PHF14: variants seen among roughly 807,000 people sequenced by gnomAD.
PHF14 encodes PHD finger protein 14.
In PHF14, 55 loss-of-function variants were observed where a neutral mutation model predicts 117.9. The observed-to-expected ratio is 0.47, with a 90% CI of 0.38 to 0.58. PHF14 has a LOEUF of 0.58. Ranked by LOEUF, PHF14 falls within the 20% of genes least tolerant of loss-of-function variation. The probability of loss-of-function intolerance (pLI) is 0.00; values close to 1 mark genes in which losing one functional copy is unlikely to be tolerated. For synonymous variants in PHF14, 409 were observed against 368.6 expected (o/e 1.11, Z -1.26); for missense variants, 978 against 1,122.2 (o/e 0.87, Z 1.84).
intron 17 of PHF14, among the ~76,000 whole-genome samples, chr7:11,156,513 G>T (rs1317341606): frequency 1.3e-5 from 2 of 152,082 alleles, no homozygotes; most frequent in African/African-American, 4.8e-5. Flanking sequence ...TTCACTTTCT[G>T]GCCGGGCGTG....
intron 17 of PHF14, among the ~76,000 whole-genome samples, chr7:11,114,278 G>A (rs1051140841): frequency 6.6e-6 from 1 of 151,996 alleles, no homozygotes; most frequent in East Asian, 1.9e-4. Context: ...AAAATGAATT[G>A]CACTTTAACA....
chr7:11,007,128 G>A (rs963178313), intron 4 of PHF14, among the ~76,000 whole-genome samples: 1 of 152,016 alleles, frequency 6.6e-6, no homozygotes, highest in African/African-American at 2.4e-5. Context: ...AGGAGGCGGA[G>A]ATTGCAGTGA....
intron 17 of PHF14, among the ~76,000 whole-genome samples, chr7:11,157,389 CAA>C (rs10693452): frequency 6.8e-6 from 1 of 146,732 alleles, no homozygotes. Context: ...AATGGGTTAC[CAA>C]AAAAAAAAAA....
chr7:11,020,076 T>C (rs1038076640), intron 5 of PHF14, among the ~76,000 whole-genome samples: 28 of 152,124 alleles, frequency 1.8e-4, no homozygotes, highest in African/African-American at 6.8e-4. Context: ...GAAATCTTTA[T>C]GTCTCAGTTC....
Position 11,042,758 on chromosome 7 carries a change from T to G in PHF14, c.2256T>G (p.Leu752=). 6.3e-7 allele frequency: 1 copy of G among 1,590,232 alleles called. No homozygotes were observed. Among genetic ancestry groups the G allele is most frequent in the South Asian group, 1.1e-5 (1 of 88,196 alleles). Residue 752 remains leucine (L), a synonymous_variant, in exon 13 of 18, where the codon CTT becomes CTG. Transcript: ENST00000634607. ...ATACCTGTAAACTACATTACCATCT[T>G]GGATGTCTGGATCCTCCTCTTACAA... ...LCDTCKLHYH[L]GCLDPPLTRM...
intron 16 of PHF14, chr7:11,102,669 A>G (rs1583467548): frequency 1.3e-6 from 2 of 1,482,998 alleles, no homozygotes; most frequent in East Asian, 2.5e-5. Context: ...TTTGCTTGTC[A>G]GGTTTGGATA....
At chr7:11,020,922 A>C (rs1393664536) in intron 5 of PHF14, among the ~76,000 whole-genome samples, 1 of 152,142 alleles carries the variant, frequency 6.6e-6, no homozygotes, top group African/African-American at 2.4e-5. Flanking sequence ...ATAACTTCCA[A>C]ACTACCTTTA....
At chr7:11,033,631 G>T (rs1256570013) in intron 7 of PHF14, among the ~76,000 whole-genome samples, 2 of 152,166 alleles carry the variant, frequency 1.3e-5, no homozygotes, top group African/African-American at 4.8e-5. Context: ...AAGACAATTA[G>T]TAGTTTCTGC....
At chr7:11,013,354 G>A (rs1055818758) in intron 4 of PHF14, among the ~76,000 whole-genome samples, 1 of 151,896 alleles carries the variant, frequency 6.6e-6, no homozygotes, top group African/African-American at 2.4e-5. Context: ...GAGAGATGAG[G>A]TTTCACCGTG....
rs1301372595 is a variant in PHF14 at position 10,975,450 on chromosome 7, G to A, written c.112+505G>A. The stretch of plus-strand genomic sequence containing the variant: ...GTAGGTGCTGGACCTTGTGGATTGG[G>A]CCTTTCAGATGTCTCTGAAGTATAA... On this transcript the variant is annotated intron_variant, in intron 2 of 17. Coordinates refer to ENST00000634607, the MANE Select transcript of PHF14 (RefSeq NM_001007157.2). Among the ~76,000 whole-genome samples the A allele has an allele frequency of 2.0e-5, 3 of 152,110 alleles. No individual in the cohort carries two copies. In the East Asian group the frequency reaches 5.8e-4, roughly 29 times the overall value.
At chr7:11,004,660 G>T (rs1583353158) in intron 4 of PHF14, among the ~76,000 whole-genome samples, 1 of 151,136 alleles carries the variant, frequency 6.6e-6, no homozygotes, top group African/African-American at 2.4e-5. Context: ...TTGTTTTCTT[G>T]TGATTAGATT....
intron 5 of PHF14, among the ~76,000 whole-genome samples, chr7:11,020,320 G>A (rs1783691225): frequency 6.6e-6 from 1 of 152,078 alleles, no homozygotes. Flanking sequence ...GAGCTCCTGG[G>A]CTCAAGCAGT....
intron 17 of PHF14, among the ~76,000 whole-genome samples, chr7:11,165,324 A>G (rs1423541514): frequency 6.6e-6 from 1 of 152,202 alleles, no homozygotes; most frequent in African/African-American, 2.4e-5. Context: ...GAAGGATACC[A>G]CAAACCAGAG....
chr7:10,988,844 C>T (rs1782341801), intron 3 of PHF14, among the ~76,000 whole-genome samples: 1 of 152,000 alleles, frequency 6.6e-6, no homozygotes, highest in South Asian at 2.1e-4. Context: ...ATTTTTATCG[C>T]CATTTTGCAG....
chr7:11,115,535 G>C (rs1787572960), intron 17 of PHF14, among the ~76,000 whole-genome samples: 1 of 151,900 alleles, frequency 6.6e-6, no homozygotes, highest in African/African-American at 2.4e-5. Context: ...ATAGCTTTCT[G>C]AAAATGTAGT....
Position 11,004,079 on chromosome 7 carries a change from C to G in PHF14, c.1046-9668C>G, listed in dbSNP as rs184447084. Among the ~76,000 whole-genome samples the G allele has an allele frequency of 7.9e-5, 12 of 151,818 alleles. No homozygotes were observed. The East Asian group carries it at 2.3e-3, about 30-fold the overall frequency. Reference sequence around the variant, plus strand: ...CCTGGGCAATGTGGTGAAACCCTGTCTCTACAAAATACAGAAAAATCAGCC... The same window carrying G: ...CCTGGGCAATGTGGTGAAACCCTGTGTCTACAAAATACAGAAAAATCAGCC... On this transcript the variant is annotated intron_variant, in intron 4 of 17. Coordinates refer to ENST00000634607, the MANE Select transcript of PHF14 (RefSeq NM_001007157.2).
chr7:11,118,102 G>C (rs1787650849), intron 17 of PHF14, among the ~76,000 whole-genome samples: 1 of 151,724 alleles, frequency 6.6e-6, no homozygotes, highest in African/African-American at 2.4e-5. Flanking sequence ...GTTTTGGTTT[G>C]CCTTTTTACT....
intron 9 of PHF14, 107 bp downstream of exon 9, chr7:11,036,795 A>C: frequency 1.9e-6 from 2 of 1,040,930 alleles, no homozygotes. Flanking sequence ...TGCTGCATAT[A>C]TCATAGAGGG....
At chr7:11,104,779 C>G in intron 16 of PHF14, 5 of 643,716 alleles carry the variant, frequency 7.8e-6, no homozygotes, top group Non-Finnish European at 9.6e-6. Flanking sequence ...CCTGGAGTTT[C>G]TGATTTAGTA....
Sources: gnomAD v4.1 joint callset for allele counts (sites outside exome capture counted in the v4.1 genomes callset) on GRCh38, gnomAD v4.1.1 for gene constraint, MANE v1.5 for transcripts, NCBI Gene and HGNC (gene_info 2026-07-23, HGNC 2026-07-21) for gene names.